The following ZNF385B variants were observed in gnomAD, a reference collection of about 807,000 sequenced individuals.
ZNF385B encodes zinc finger protein 385B, also known as zinc finger protein 533.
A neutral mutation model predicts 39.2 loss-of-function variants in ZNF385B; 23 were observed. The observed-to-expected ratio is 0.59, with a 90% confidence interval of 0.42 to 0.83. ZNF385B has a LOEUF of 0.83. Ranked by LOEUF, ZNF385B falls within the 40% of genes least tolerant of loss-of-function variation. The pLI is 0.00. For missense variants in ZNF385B, 552 were observed against 598.9 expected, an observed-to-expected ratio of 0.92 and a Z score of 0.82; for synonymous variants, 205 against 222.6, an observed-to-expected ratio of 0.92 and a Z score of 0.70.
chr2:179,668,498 C>T (rs1273833310), intron 3 of ZNF385B, among the ~76,000 whole-genome samples: 1 of 151,926 alleles, frequency 6.6e-6, no homozygotes, highest in Admixed American at 6.6e-5. Context: ...GTCATTAACC[C>T]TCCTTAAGCT....
chr2:179,554,198 C>T (rs1197735250), intron 3 of ZNF385B, among the ~76,000 whole-genome samples: 2 of 149,056 alleles, frequency 1.3e-5, no homozygotes, highest in African/African-American at 5.1e-5. Flanking sequence ...TATGCCATAT[C>T]CCAGGAGAGC....
chr2:179,836,468 G>T (rs357718), intron 1 of ZNF385B, among the ~76,000 whole-genome samples: 5,463 of 148,744 alleles, frequency 0.037, 185 homozygotes, highest in African/African-American at 0.087. Context: ...CATATTTCTT[G>T]TAAAAAACTA....
chr2:179,751,048 C>T (rs1163949895), intron 3 of ZNF385B, among the ~76,000 whole-genome samples: 1 of 152,040 alleles, frequency 6.6e-6, no homozygotes, highest in Non-Finnish European at 1.5e-5. Flanking sequence ...ATGTTCATTC[C>T]TGATATCTCT....
At position 179,571,255 on chromosome 2, in the gene ZNF385B, G is replaced by A. The variant is rs557312130; in HGVS notation, c.299-26286C>T. ...GAGGAAGAAATTGAGGTTCTGAGAG[G>A]TTATGTGACTTGCCCAAGGTCATTA... is the stretch of plus-strand genomic sequence containing the variant. On this transcript the variant is annotated intron_variant, in intron 3 of 9. Coordinates refer to ENST00000410066, the MANE Select transcript of ZNF385B (RefSeq NM_152520.6). Among the ~76,000 whole-genome samples, 6 of 152,254 alleles carry A rather than the reference G, an allele frequency of 3.9e-5. No homozygotes were observed. The East Asian group carries it at 1.2e-3, about 29-fold the overall frequency.
intron 3 of ZNF385B, among the ~76,000 whole-genome samples, chr2:179,744,711 C>T (rs1319764426): frequency 1.3e-5 from 2 of 152,146 alleles, no homozygotes; most frequent in Non-Finnish European, 2.9e-5. Context: ...CACTTATATA[C>T]ATACACACCC....
chr2:179,813,525 G>A (rs745840932), intron 1 of ZNF385B, among the ~76,000 whole-genome samples: 9 of 152,258 alleles, frequency 5.9e-5, no homozygotes, highest in African/African-American at 1.2e-4. Flanking sequence ...CTACCAAAAC[G>A]TCTTCAGGGA....
In ZNF385B at chr2:179,446,884, C is replaced by T. The variant is rs541300782; in HGVS notation, c.716-114G>A. The T allele has an allele frequency of 2.5e-5, 33 of 1,342,794 alleles. 1 individual carries two copies. In the South Asian group the frequency reaches 4.8e-4, roughly 20 times the overall value. 83.2% of individuals were successfully genotyped at this position (1,342,794 alleles called of 1,614,324 possible). On this transcript the variant is annotated intron_variant, in intron 6 of 9. Transcript: ENST00000410066. ...TGATTCTTATGTGAAGTTTTTATTG[C>T]AGCATAGATTTCAGTTTATAGAGGT...
intron 1 of ZNF385B, among the ~76,000 whole-genome samples, chr2:179,821,614 G>A (rs1345804043): frequency 1.3e-5 from 2 of 152,084 alleles, no homozygotes; most frequent in East Asian, 1.9e-4. Context: ...TAAATAAGAA[G>A]CAATTTTAAG....
chr2:179,735,304 G>A (rs1701673933), intron 3 of ZNF385B, among the ~76,000 whole-genome samples: 1 of 148,944 alleles, frequency 6.7e-6, no homozygotes. Flanking sequence ...CTGGCCATCA[G>A]AGAAATGCAA....
chr2:179,738,813 T>C (rs1044489672), intron 3 of ZNF385B, among the ~76,000 whole-genome samples: 11 of 152,194 alleles, frequency 7.2e-5, no homozygotes, highest in African/African-American at 2.4e-4. Context: ...GGCTAAGTCA[T>C]CAATGTTCTC....
At chr2:179,846,890 A>G (rs936414316) in intron 1 of ZNF385B, among the ~76,000 whole-genome samples, 7 of 152,232 alleles carry the variant, frequency 4.6e-5, no homozygotes, top group Admixed American at 6.5e-5. Flanking sequence ...CTCTGCCACC[A>G]TACAGCTGTG....
At chr2:179,484,446 A>G (rs1394208192) in intron 5 of ZNF385B, among the ~76,000 whole-genome samples, 1 of 152,188 alleles carries the variant, frequency 6.6e-6, no homozygotes, top group Non-Finnish European at 1.5e-5. Flanking sequence ...ATGCAAAGCA[A>G]GATGAACTTT....
At chr2:179,826,137 A>T (rs1042102651) in intron 1 of ZNF385B, among the ~76,000 whole-genome samples, 3 of 152,224 alleles carry the variant, frequency 2.0e-5, no homozygotes, top group African/African-American at 7.2e-5. Context: ...CAGCTGTCGA[A>T]AATTCAGCTA....
At chr2:179,579,728 A>T (rs908206984) in intron 3 of ZNF385B, among the ~76,000 whole-genome samples, 4 of 152,158 alleles carry the variant, frequency 2.6e-5, no homozygotes, top group African/African-American at 9.7e-5. Flanking sequence ...AGTTAAATTT[A>T]ATGAATAGGA....
chr2:179,782,769 T>C (rs866663467), intron 1 of ZNF385B, among the ~76,000 whole-genome samples: 3 of 152,174 alleles, frequency 2.0e-5, no homozygotes, highest in African/African-American at 7.2e-5. Flanking sequence ...GGAATACCTT[T>C]AACCAGGGAG....
At chr2:179,558,829 T>G (rs16866775) in intron 3 of ZNF385B, among the ~76,000 whole-genome samples, 2,404 of 152,276 alleles carry the variant, frequency 0.016, 64 homozygotes, top group African/African-American at 0.054. Context: ...GCGGCAGAGA[T>G]GGCTTCCACC....
intron 3 of ZNF385B, among the ~76,000 whole-genome samples, chr2:179,673,942 T>C (rs1341997680): frequency 6.6e-6 from 1 of 152,226 alleles, no homozygotes; most frequent in South Asian, 2.1e-4. Flanking sequence ...GACTTTTATC[T>C]GAAAATGAAA....
At position 179,806,830 on chromosome 2, in the gene ZNF385B, A is replaced by T. The variant is rs544246112; in HGVS notation, c.-154-36158T>A. ...ATTATTGCCTCCAAACATATGATAC[A>T]TGAAAAGATGCTCAATCTGACTAGT... On this transcript the variant is annotated intron_variant, in intron 1 of 9. Coordinates refer to ENST00000410066, the MANE Select transcript of ZNF385B (RefSeq NM_152520.6). Among the ~76,000 whole-genome samples, 15 of 152,320 alleles carry T rather than the reference A, an allele frequency of 9.8e-5. No homozygotes were observed. In the South Asian group the frequency reaches 3.1e-3, roughly 32 times the overall value.
At chr2:179,523,347 C>A (rs1025242979) in intron 4 of ZNF385B, among the ~76,000 whole-genome samples, 1 of 64,940 alleles carries the variant, frequency 1.5e-5, no homozygotes, top group Non-Finnish European at 3.0e-5. Context: ...AATCTGTGTG[C>A]GTTTTTTTTT....
Sources: allele counts gnomAD v4.1 joint callset (sites outside exome capture counted in the v4.1 genomes callset), GRCh38; gene constraint gnomAD v4.1.1; transcripts MANE v1.5; gene names NCBI Gene and HGNC (gene_info 2026-07-23, HGNC 2026-07-21).